The following SDK2 variants were observed in gnomAD, a reference collection of about 807,000 sequenced individuals.
SDK2 encodes the protein sidekick cell adhesion molecule 2.
In SDK2, 105 loss-of-function variants were observed where a neutral mutation model predicts 253.9. That is an observed-to-expected ratio of 0.41 (90% CI 0.35 to 0.49). The LOEUF (loss-of-function observed/expected upper bound fraction) is 0.49, where lower values mean the gene tolerates loss of function less well. SDK2 is among the 20% of genes least tolerant of loss of function. The probability of loss-of-function intolerance (pLI) is 0.06; values close to 1 mark genes in which losing one functional copy is unlikely to be tolerated. For missense variants in SDK2, 2,608 were observed against 3,003.0 expected (o/e 0.87, Z 3.07); for synonymous variants, 1,249 against 1,234.9 (o/e 1.01, Z -0.24).
At chr17:73,472,609 A>G (rs999276603) in intron 2 of SDK2, among the ~76,000 whole-genome samples, 2 of 152,142 alleles carry the variant, frequency 1.3e-5, no homozygotes, top group Non-Finnish European at 2.9e-5. Context: ...GGACTGTGCT[A>G]TATTAGTTGA....
chr17:73,499,891 G>T (rs145780039), intron 2 of SDK2, among the ~76,000 whole-genome samples: 1 of 114,532 alleles, frequency 8.7e-6, no homozygotes, highest in Admixed American at 8.9e-5. Context: ...GTGTGTGTGT[G>T]TGTGTGTGTG....
chr17:73,400,404 C>T (rs2063012336), intron 21 of SDK2, among the ~76,000 whole-genome samples: 1 of 152,194 alleles, frequency 6.6e-6, no homozygotes, highest in African/African-American at 2.4e-5. Context: ...ATCACAGATA[C>T]CATTGCCTGG....
chr17:73,358,047 G>C, intron 40 of SDK2, 32 bp downstream of exon 40: 1 of 1,612,602 alleles, frequency 6.2e-7, no homozygotes, highest in Middle Eastern at 1.6e-4. Flanking sequence ...ATAATGAGCT[G>C]TGGGGTCTCA....
At chr17:73,568,795 G>A (rs1399634721) in intron 1 of SDK2, among the ~76,000 whole-genome samples, 1 of 152,166 alleles carries the variant, frequency 6.6e-6, no homozygotes, top group South Asian at 2.1e-4. Flanking sequence ...AAGGAGAAGA[G>A]TCGTTAAACA....
At chr17:73,499,078 C>T (rs535408530) in intron 2 of SDK2, among the ~76,000 whole-genome samples, 5 of 152,378 alleles carry the variant, frequency 3.3e-5, no homozygotes, top group South Asian at 4.1e-4. Context: ...CCTGTGCTCC[C>T]GTGCCCTCTG....
intron 1 of SDK2, among the ~76,000 whole-genome samples, chr17:73,573,496 C>T (rs575186085): frequency 6.6e-6 from 1 of 152,290 alleles, no homozygotes; most frequent in East Asian, 1.9e-4. Context: ...CTTCACCCAG[C>T]TGCTAGGACC....
In SDK2 at chr17:73,423,871, A is replaced by G. The variant is rs201320246; in HGVS notation, c.1760+45T>C. 3.8e-4 allele frequency: 561 copies of G among 1,475,584 alleles called. 2 individuals are homozygous for G. The highest frequency in any genetic ancestry group is 4.4e-4 in the Non-Finnish European group (479 of 1,098,758). The allele number at this position is 1,475,584 out of a possible 1,614,324, so 91.4% of individuals were successfully genotyped here. A position where few individuals can be genotyped will look rare whatever the true frequency, so the allele number is the denominator to read the frequency against. ...GCTGGCTCTGAGCATGCCAGTTGCT[A>G]TTGCCTGGACCGCCTCTGCCGGGGT... On this transcript the variant is annotated intron_variant, in intron 13 of 44. Coordinates refer to ENST00000392650, the MANE Select transcript of SDK2 (RefSeq NM_001144952.2).
chr17:73,498,876 C>A (rs978799973), intron 2 of SDK2, among the ~76,000 whole-genome samples: 1 of 152,206 alleles, frequency 6.6e-6, no homozygotes, highest in Admixed American at 6.5e-5. Context: ...AGGGGAGGGA[C>A]GCAGGCTTGG....
At chr17:73,478,478 C>T (rs965946122) in intron 2 of SDK2, among the ~76,000 whole-genome samples, 29 of 152,290 alleles carry the variant, frequency 1.9e-4, no homozygotes, top group African/African-American at 5.3e-4. Flanking sequence ...CACCCGTTCT[C>T]GTCATCTCCA....
chr17:73,612,789 C>T lies in SDK2; in HGVS notation c.64+31236G>A, dbSNP rs77215383. ...AAAATTAGCTGTACCTGGTGGTGCG[C>T]ACCTGTAGTCCCAGCTACTCAGGAG... On this transcript the variant is annotated intron_variant, in intron 1 of 44. Transcript: ENST00000392650. The surrounding 1 kb of genome is among the most constrained non-coding windows in gnomAD (Gnocchi z 4.4). 6.1e-3 allele frequency among the ~76,000 whole-genome samples: 931 copies of T among 152,194 alleles called. 9 individuals are homozygous for T. The highest frequency in any genetic ancestry group is 0.021 in the African/African-American group (886 of 41,508).
At chr17:73,353,244 C>A (rs998197499) in intron 40 of SDK2, among the ~76,000 whole-genome samples, 2 of 152,168 alleles carry the variant, frequency 1.3e-5, no homozygotes, top group African/African-American at 4.8e-5. Flanking sequence ...AGCACTTGTG[C>A]AAGCAGAACA....
chr17:73,624,828 T>C (rs2143216571), intron 1 of SDK2, among the ~76,000 whole-genome samples: 1 of 152,270 alleles, frequency 6.6e-6, no homozygotes, highest in African/African-American at 2.4e-5. Flanking sequence ...GTGATGTTGT[T>C]ACTAGGAGGA....
chr17:73,478,103 G>A (rs957281094), intron 2 of SDK2, among the ~76,000 whole-genome samples: 4 of 152,148 alleles, frequency 2.6e-5, no homozygotes, highest in Non-Finnish European at 5.9e-5. Context: ...CATACACAGG[G>A]AGGAAACGAC....
chr17:73,355,174 A>ATATATATATATATATTTTTTTTTTTT, intron 40 of SDK2, among the ~76,000 whole-genome samples: 1 of 47,222 alleles, frequency 2.1e-5, no homozygotes, highest in Non-Finnish European at 3.4e-5. Flanking sequence ...ATATATATAT[A>ATATATATATATATATTTTTTTTTTTT]TTTTTTTTTT....
chr17:73,524,935 A>G lies in SDK2; in HGVS notation c.65-17338T>C, dbSNP rs568416961. Among the ~76,000 whole-genome samples, 6 of 152,338 alleles carry G rather than the reference A, an allele frequency of 3.9e-5. No homozygotes were observed. In the South Asian group the frequency reaches 1.2e-3, roughly 32 times the overall value. On this transcript the variant is annotated intron_variant, in intron 1 of 44. Coordinates refer to ENST00000392650, the MANE Select transcript of SDK2 (RefSeq NM_001144952.2). ...GTTCCATCTCGCCTCTGCGCACATC[A>G]TTCCCATGGACTTGGGCTGCCTGGG...
intron 12 of SDK2, among the ~76,000 whole-genome samples, chr17:73,425,610 T>C (rs934314813): frequency 3.3e-5 from 5 of 151,778 alleles, no homozygotes; most frequent in Admixed American, 2.6e-4. Flanking sequence ...CAGGTTCAAG[T>C]GATTTTCGTG....
rs765775408 is a variant in SDK2, at chr17:73,380,967, C to T, written c.4706-17G>A. On this transcript the variant is annotated splice_polypyrimidine_tract_variant and intron_variant, in intron 33 of 44. Transcript: ENST00000392650. ...AGTACATGGCTATGGGGTGGGGGTG[C>T]CGGGGCGGGGGCGCAGAGGGAGACA... 2.0e-6 allele frequency: 2 copies of T among 985,102 alleles called. No homozygotes were observed. The highest frequency in any genetic ancestry group is 2.9e-5 in the East Asian group (1 of 34,268). The allele number at this position is 985,102 out of a possible 1,614,324, so 61.0% of individuals were successfully genotyped here.
intron 2 of SDK2, among the ~76,000 whole-genome samples, chr17:73,484,096 C>G (rs532341571): frequency 9.5e-4 from 145 of 152,258 alleles, no homozygotes; most frequent in African/African-American, 3.1e-3. Flanking sequence ...TCACCGCTCC[C>G]CGCTCCTCCG....
chr17:73,592,918 C>T (rs112359427), intron 1 of SDK2, among the ~76,000 whole-genome samples: 7 of 152,232 alleles, frequency 4.6e-5, no homozygotes, highest in South Asian at 2.1e-4. Flanking sequence ...CAGCTCACCC[C>T]GGTAATGCTG....
Sources: allele counts gnomAD v4.1 joint callset (sites outside exome capture counted in the v4.1 genomes callset), GRCh38; gene constraint gnomAD v4.1.1; non-coding constraint Gnocchi (gnomAD v3.1); transcripts MANE v1.5; gene names NCBI Gene and HGNC (gene_info 2026-07-23, HGNC 2026-07-21).